The following SMYD3 variants were observed in gnomAD, a reference collection of about 807,000 sequenced individuals.
SMYD3 encodes histone-lysine N-methyltransferase SMYD3.
SMYD3 carries 36 observed loss-of-function variants against 57.7 expected under a neutral mutation model. That is an observed-to-expected ratio of 0.62 (90% confidence interval 0.48 to 0.82). The LOEUF is 0.82. Ranked by LOEUF, SMYD3 falls within the 40% of genes least tolerant of loss-of-function variation. The pLI, the probability that SMYD3 is intolerant of heterozygous loss-of-function variation, is 0.00. For missense variants in SMYD3, 515 were observed against 538.8 expected, an observed-to-expected ratio of 0.96 and a Z score of 0.44; for synonymous variants, 211 against 195.0, an observed-to-expected ratio of 1.08 and a Z score of -0.68.
intron 5 of SMYD3, among the ~76,000 whole-genome samples, chr1:246,210,583 A>G (rs2063069632): frequency 6.6e-6 from 1 of 151,872 alleles, no homozygotes; most frequent in Non-Finnish European, 1.5e-5. Context: ...GGTTGCGGGC[A>G]CCTGTAATCT....
chr1:246,262,851 C>A (rs6701875), intron 5 of SMYD3, among the ~76,000 whole-genome samples: 38,289 of 151,914 alleles, frequency 0.25, 5,497 homozygotes, highest in East Asian at 0.58. Flanking sequence ...AATAGTTTTT[C>A]AAAAGAGAAA....
chr1:245,848,787 G>C (rs1469082741), intron 10 of SMYD3, among the ~76,000 whole-genome samples: 3 of 152,148 alleles, frequency 2.0e-5, no homozygotes, highest in African/African-American at 7.2e-5. Context: ...GAATAAGTGG[G>C]GTTGGTCCAC....
chr1:246,400,259 GCC>G (rs2066746053), intron 1 of SMYD3, among the ~76,000 whole-genome samples: 1 of 152,232 alleles, frequency 6.6e-6, no homozygotes, highest in Non-Finnish European at 1.5e-5. Context: ...CAGAAACAGT[GCC>G]TGCCTTCACA....
chr1:246,125,880 T>C (rs886787614), intron 5 of SMYD3, among the ~76,000 whole-genome samples: 3 of 151,604 alleles, frequency 2.0e-5, no homozygotes, highest in Non-Finnish European at 4.4e-5. Context: ...AAACATAATT[T>C]GTAATTCGAG....
At chr1:246,393,563 G>A (rs770314130) in intron 1 of SMYD3, among the ~76,000 whole-genome samples, 3 of 150,656 alleles carry the variant, frequency 2.0e-5, no homozygotes, top group Non-Finnish European at 2.9e-5. Flanking sequence ...GCATAGAATT[G>A]CCTAGTGGCT....
At chr1:245,879,842 T>C (rs1309569951) in intron 8 of SMYD3, among the ~76,000 whole-genome samples, 1 of 152,222 alleles carries the variant, frequency 6.6e-6, no homozygotes, top group East Asian at 1.9e-4. Flanking sequence ...AGCAAATAAG[T>C]CAATGTCTAT....
chr1:246,017,131 A>G (rs1415208955), intron 5 of SMYD3, among the ~76,000 whole-genome samples: 1 of 152,212 alleles, frequency 6.6e-6, no homozygotes, highest in Non-Finnish European at 1.5e-5. Context: ...GCAAGGTATG[A>G]GGCCATCAGC....
chr1:246,287,520 C>T (rs2064594057), intron 5 of SMYD3, among the ~76,000 whole-genome samples: 1 of 152,182 alleles, frequency 6.6e-6, no homozygotes, highest in Non-Finnish European at 1.5e-5. Context: ...AATTGCGTTT[C>T]TTTCACTTGC....
chr1:246,037,474 G>T (rs1257139689), intron 5 of SMYD3, among the ~76,000 whole-genome samples: 2 of 152,194 alleles, frequency 1.3e-5, no homozygotes, highest in Admixed American at 1.3e-4. Flanking sequence ...CAGGAGGTTA[G>T]CAGGTGGAAG....
chr1:245,840,667 T>C lies in SMYD3; in HGVS notation c.1076+17829A>G, dbSNP rs140968106. ...TTCATACCTAGGAATGGACCACTTC[T>C]TCAGTTGTAAGAAACTTAAATCTAA... On this transcript the variant is annotated intron_variant, in intron 10 of 11. Coordinates refer to ENST00000490107, the MANE Select transcript of SMYD3 (RefSeq NM_001167740.2). 5.9e-3 allele frequency among the ~76,000 whole-genome samples: 901 copies of C among 152,222 alleles called. 9 individuals carry two copies. The highest frequency in any genetic ancestry group is 0.031 in the Middle Eastern group (9 of 292).
At chr1:246,038,837 T>C (rs987986484) in intron 5 of SMYD3, among the ~76,000 whole-genome samples, 1 of 152,212 alleles carries the variant, frequency 6.6e-6, no homozygotes, top group Non-Finnish European at 1.5e-5. Flanking sequence ...GTTTTTGCAT[T>C]CTATAAATTT....
At chr1:245,914,945 G>A (rs945042049) in intron 8 of SMYD3, among the ~76,000 whole-genome samples, 2 of 152,104 alleles carry the variant, frequency 1.3e-5, no homozygotes, top group Non-Finnish European at 2.9e-5. Flanking sequence ...AGGGGTTGGG[G>A]TAGGGGTGGT....
chr1:246,326,467 T>TA (rs367922653), intron 5 of SMYD3: 8,454 of 532,154 alleles, frequency 0.016, 5 homozygotes, highest in Middle Eastern at 0.02. Flanking sequence ...CGGAATCATT[T>TA]AAAAAAAAAA....
intron 1 of SMYD3, chr1:246,426,130 C>A (rs939395138): frequency 6.6e-6 from 1 of 152,060 alleles, no homozygotes; most frequent in African/African-American, 2.4e-5. Flanking sequence ...TTCCTTATAC[C>A]TTCTAACTCA....
chr1:246,411,978 A>T (rs1003926822), intron 1 of SMYD3, among the ~76,000 whole-genome samples: 4 of 133,318 alleles, frequency 3.0e-5, no homozygotes, highest in African/African-American at 1.2e-4. Flanking sequence ...AGTATAATAA[A>T]AAAAAAAAAA....
At chr1:246,224,235 T>C (rs951769617) in intron 5 of SMYD3, among the ~76,000 whole-genome samples, 2 of 152,014 alleles carry the variant, frequency 1.3e-5, no homozygotes, top group African/African-American at 2.4e-5. Context: ...GTAGATGTAA[T>C]GGGAAGCTCC....
chr1:246,240,324 C>G (rs1457657179), intron 5 of SMYD3, among the ~76,000 whole-genome samples: 1 of 152,124 alleles, frequency 6.6e-6, no homozygotes, highest in African/African-American at 2.4e-5. Context: ...GTCACTTTTG[C>G]CAGCAACATT....
chr1:246,271,586 C>T (rs956776143), intron 5 of SMYD3, among the ~76,000 whole-genome samples: 1 of 152,140 alleles, frequency 6.6e-6, no homozygotes, highest in African/African-American at 2.4e-5. Context: ...CTTGGCACCC[C>T]CATCGAAAAT....
intron 10 of SMYD3, among the ~76,000 whole-genome samples, chr1:245,795,827 G>A (rs767529092): frequency 1.3e-5 from 2 of 151,880 alleles, no homozygotes; most frequent in Admixed American, 6.6e-5. Context: ...TACTATTCTC[G>A]GCCTTTTAAT....
Sources: gnomAD v4.1 joint callset for allele counts (sites outside exome capture counted in the v4.1 genomes callset) on GRCh38, gnomAD v4.1.1 for gene constraint, MANE v1.5 for transcripts, NCBI Gene and HGNC (gene_info 2026-07-23, HGNC 2026-07-21) for gene names.